STARD13: variants seen among roughly 807,000 people sequenced by gnomAD.
The protein encoded by STARD13 is StAR related lipid transfer domain containing 13.
A neutral mutation model predicts 106.4 loss-of-function variants in STARD13; 62 were observed. That is an observed-to-expected ratio of 0.58 (90% confidence interval 0.48 to 0.72). The LOEUF (loss-of-function observed/expected upper bound fraction) is 0.72. STARD13 is among the 30% of genes least tolerant of loss of function. The probability of loss-of-function intolerance (pLI) is 0.00; values close to 1 mark genes in which losing one functional copy is unlikely to be tolerated. For synonymous variants in STARD13, 565 were observed against 553.0 expected (o/e 1.02, Z -0.31); for missense variants, 1,387 against 1,424.0 (o/e 0.97, Z 0.42).
chr13:33,605,911 C>T, the STARD13 span, among the ~76,000 whole-genome samples: 1 of 152,132 alleles, frequency 6.6e-6, no homozygotes, highest in East Asian at 1.9e-4. Context: ...AGGACATGGA[C>T]TCTAGAGTCT....
rs1209997352 is a variant in STARD13, at chr13:33,110,803, T to G, written c.2712A>C (p.Ala904=). ...GATGGTTCAGGTAAGTGTGGAAAGTTGCCCCACTCTCCTCCAGCTGTGTCC... is the reference window on the plus strand; with the variant it reads ...GATGGTTCAGGTAAGTGTGGAAAGTGGCCCCACTCTCCTCCAGCTGTGTCC... ...ELGTQLEESG[A]TFHTYLNHLI... The change falls in exon 11 of 14, where the codon GCA becomes GCC. Residue 904 remains alanine (A), a synonymous_variant. Transcript: ENST00000336934. 6.2e-7 allele frequency: 1 copy of G among 1,614,164 alleles called. No individual in the cohort carries two copies.
intron 8 of STARD13, among the ~76,000 whole-genome samples, chr13:33,113,701 T>A (rs1388739737): frequency 6.6e-6 from 1 of 152,188 alleles, no homozygotes; most frequent in African/African-American, 2.4e-5. Flanking sequence ...ATGGGGGATG[T>A]CTGGCCCTTC....
the STARD13 span, among the ~76,000 whole-genome samples, chr13:33,653,741 A>T: frequency 1.3e-5 from 2 of 150,632 alleles, no homozygotes; most frequent in Non-Finnish European, 2.9e-5. Context: ...TGAAAAGATA[A>T]ACCACAAAAT....
chr13:33,534,134 T>G, the STARD13 span, among the ~76,000 whole-genome samples: 1 of 152,212 alleles, frequency 6.6e-6, no homozygotes, highest in African/African-American at 2.4e-5. Flanking sequence ...AACCCTGAAA[T>G]CACTCTTTTT....
At chr13:33,243,900 G>A (rs1199206146) in intron 1 of STARD13, among the ~76,000 whole-genome samples, 1 of 152,108 alleles carries the variant, frequency 6.6e-6, no homozygotes, top group Non-Finnish European at 1.5e-5. Flanking sequence ...TGAGATGAGA[G>A]TAAGGGAGTA....
chr13:33,170,051 A>G (rs1883769828), intron 1 of STARD13, among the ~76,000 whole-genome samples: 1 of 12,906 alleles, frequency 7.7e-5, no homozygotes, highest in South Asian at 5.0e-3. Flanking sequence ...AATGGGTACA[A>G]AAAAAAATTA....
chr13:33,618,129 A>G, the STARD13 span, among the ~76,000 whole-genome samples: 2 of 152,244 alleles, frequency 1.3e-5, no homozygotes, highest in Non-Finnish European at 2.9e-5. Context: ...ATCAAAAATG[A>G]TAGGATACTC....
chr13:33,105,616 C>T lies in STARD13; in HGVS notation c.3319G>A (p.Glu1107Lys), dbSNP rs769134574. The T allele has an allele frequency of 6.2e-7, 1 of 1,613,818 alleles. No individual in the cohort carries two copies. Among genetic ancestry groups the T allele is most frequent in the South Asian group, 1.1e-5 (1 of 91,078 alleles). The change falls in exon 14 of 14, where the codon GAG (glutamate) becomes AAG (lysine). Residue 1107 changes from glutamate (E) to lysine (K), a missense_variant. Physicochemically the swap from Glu to Lys is moderately conservative, Grantham distance 56. Coordinates refer to ENST00000336934, the MANE Select transcript of STARD13 (RefSeq NM_178006.4). ...IRNSFQPLIA[E>K]GPETKI Reference sequence around the variant, plus strand: ...ACTCAGATTTTAGTTTCTGGGCCCTCAGCAATGAGGGGCTGGAAAGAGTTT... The same window carrying T: ...ACTCAGATTTTAGTTTCTGGGCCCTTAGCAATGAGGGGCTGGAAAGAGTTT...
rs1457425688 is a variant in STARD13, at chr13:33,213,025, T to C, written c.170-45403A>G. ...GGCAATGTACTTGCTAGTTGAGTTA[T>C]TGACCCTGATTTTTTGAACTCCCTT... is the stretch of plus-strand genomic sequence containing the variant. On this transcript the variant is annotated intron_variant, in intron 1 of 13. Transcript: ENST00000336934. Among the ~76,000 whole-genome samples, 4 of 152,338 alleles carry C rather than the reference T, an allele frequency of 2.6e-5. No homozygotes were observed. In the South Asian group the frequency reaches 6.2e-4, roughly 24 times the overall value.
At chr13:33,363,285 CAT>C in the STARD13 span, among the ~76,000 whole-genome samples, 51 of 152,352 alleles carry the variant, frequency 3.3e-4, 1 homozygote, top group East Asian at 3.1e-3. Flanking sequence ...TACACACACA[CAT>C]GTACACACAG....
chr13:33,522,039 A>G, the STARD13 span, among the ~76,000 whole-genome samples: 1 of 152,116 alleles, frequency 6.6e-6, no homozygotes, highest in Non-Finnish European at 1.5e-5. Flanking sequence ...TCTAATAAAT[A>G]CTTTCTTCTT....
the STARD13 span, among the ~76,000 whole-genome samples, chr13:33,622,658 A>G: frequency 3.6e-5 from 5 of 139,272 alleles, no homozygotes; most frequent in African/African-American, 1.3e-4. Context: ...GTGGTGGCTC[A>G]AGCCTGTACT....
the STARD13 span, among the ~76,000 whole-genome samples, chr13:33,537,746 C>A: frequency 6.6e-6 from 1 of 152,134 alleles, no homozygotes; most frequent in Non-Finnish European, 1.5e-5. Flanking sequence ...TTTCTTCTTG[C>A]CTGACTAGAA....
upstream of STARD13, among the ~76,000 whole-genome samples, chr13:33,354,437 T>C (rs2078107526): frequency 6.6e-6 from 1 of 152,240 alleles, no homozygotes; most frequent in African/African-American, 2.4e-5. Flanking sequence ...GTTTCTTCCA[T>C]GCTTTGGGGA....
chr13:33,374,252 A>G, the STARD13 span, among the ~76,000 whole-genome samples: 1 of 152,174 alleles, frequency 6.6e-6, no homozygotes, highest in Admixed American at 6.5e-5. Flanking sequence ...CATACAGACA[A>G]AAAGTAGAAA....
chr13:33,124,749 G>A (rs74473934), intron 7 of STARD13, among the ~76,000 whole-genome samples: 190 of 152,258 alleles, frequency 1.2e-3, no homozygotes, highest in Non-Finnish European at 2.2e-3. Flanking sequence ...TAAGTAACGA[G>A]ATTCATTGGC....
chr13:33,277,764 A>G (rs930462927), intron 1 of STARD13: 7 of 152,104 alleles, frequency 4.6e-5, no homozygotes, highest in African/African-American at 1.7e-4. Context: ...TATCTTGTAG[A>G]GTTATTTGAG....
At chr13:33,399,700 C>CAAAAAAA in the STARD13 span, among the ~76,000 whole-genome samples, 4 of 26,944 alleles carry the variant, frequency 1.5e-4, no homozygotes, top group Admixed American at 5.3e-4. Context: ...GACTCTGTCT[C>CAAAAAAA]AAAAAAAAAA....
At chr13:33,517,414 A>T in the STARD13 span, among the ~76,000 whole-genome samples, 1 of 152,158 alleles carries the variant, frequency 6.6e-6, no homozygotes, top group Non-Finnish European at 1.5e-5. Context: ...ATTTTAAAAA[A>T]TGGTTTTCCT....
Sources: allele counts gnomAD v4.1 joint callset (sites outside exome capture counted in the v4.1 genomes callset), GRCh38; gene constraint gnomAD v4.1.1; transcripts MANE v1.5; gene names NCBI Gene and HGNC (gene_info 2026-07-23, HGNC 2026-07-21).